The following CDH13 variants were observed in gnomAD, a reference collection of about 807,000 sequenced individuals.
CDH13 encodes cadherin-13.
A neutral mutation model predicts 63.8 loss-of-function variants in CDH13; 24 were observed. That is an observed-to-expected ratio of 0.38 (90% CI 0.27 to 0.53). The LOEUF (loss-of-function observed/expected upper bound fraction) is 0.53, where lower values mean the gene tolerates loss of function less well. CDH13 is among the 20% of genes least tolerant of loss of function. CDH13 has a pLI of 0.85. For missense variants in CDH13, 1,049 were observed against 903.1 expected (o/e 1.16, Z -2.07); for synonymous variants, 503 against 355.3 (o/e 1.42, Z -4.67).
chr16:83,445,435 C>G lies in CDH13; in HGVS notation c.782-41042C>G, dbSNP rs147061057. On this transcript the variant is annotated intron_variant, in intron 6 of 13. Transcript: ENST00000567109. ...AAAATCAGATCCTGCTGTGTTCACA[C>G]TTGGCCTCAATTTCCTCAGGCTTCT... Among the ~76,000 whole-genome samples, 4 of 152,302 alleles carry G rather than the reference C, an allele frequency of 2.6e-5. No homozygotes were observed. The East Asian group carries it at 7.7e-4, about 29-fold the overall frequency.
At position 83,047,251 on chromosome 16, in the gene CDH13, T is replaced by TTA. The variant is rs1434648564; in HGVS notation, c.366+15035_366+15036dup. ...GAGGCCTGTGTATTTATTTATTTAT[T>TTA]TATTTTTTTGGTAAAGGCCTCTGCT... On this transcript the variant is annotated intron_variant, in intron 3 of 13. Transcript: ENST00000567109. This position sits in a 1 kb window ranked among gnomAD's most constrained non-coding sequence, Gnocchi z 4.9. Among the ~76,000 whole-genome samples, 1 of 152,144 alleles carries TTA rather than the reference T, an allele frequency of 6.6e-6. No individual in the cohort carries two copies. Among genetic ancestry groups the TTA allele is most frequent in the Non-Finnish European group, 1.5e-5 (1 of 68,026 alleles).
At chr16:82,697,851 A>G (rs2030526841) in intron 1 of CDH13, among the ~76,000 whole-genome samples, 1 of 151,840 alleles carries the variant, frequency 6.6e-6, no homozygotes, top group Non-Finnish European at 1.5e-5. Context: ...TTATATTTGC[A>G]CTGCTGATAA....
At chr16:82,888,736 T>C (rs2040977841) in intron 2 of CDH13, among the ~76,000 whole-genome samples, 1 of 152,234 alleles carries the variant, frequency 6.6e-6, no homozygotes, top group African/African-American at 2.4e-5. Flanking sequence ...CCCTGAAACT[T>C]GATCCATTTA....
At chr16:83,345,842 C>G (rs933483275) in intron 6 of CDH13, among the ~76,000 whole-genome samples, 2 of 152,116 alleles carry the variant, frequency 1.3e-5, no homozygotes, top group Non-Finnish European at 2.9e-5. Flanking sequence ...TATCATGATA[C>G]TCCTAGATTA....
chr16:83,441,733 G>T (rs948781561), intron 6 of CDH13, among the ~76,000 whole-genome samples: 3 of 152,080 alleles, frequency 2.0e-5, no homozygotes, highest in East Asian at 1.9e-4. Context: ...GGATAGAAAC[G>T]GTGTCTGGGA....
At chr16:82,846,591 C>T (rs547400154) in intron 1 of CDH13, among the ~76,000 whole-genome samples, 67 of 152,228 alleles carry the variant, frequency 4.4e-4, no homozygotes, top group Non-Finnish European at 8.5e-4. Flanking sequence ...AGATTTCGAC[C>T]CAGTTAGTCT....
intron 2 of CDH13, among the ~76,000 whole-genome samples, chr16:83,014,707 G>T (rs190865143): frequency 0.03 from 3,882 of 130,530 alleles, 90 homozygotes; most frequent in Non-Finnish European, 0.043. Context: ...CTCCAGCTTG[G>T]GCAACAGAGG....
intron 8 of CDH13, among the ~76,000 whole-genome samples, chr16:83,610,458 C>A (rs563907692): frequency 1.3e-5 from 2 of 152,304 alleles, no homozygotes; most frequent in South Asian, 2.1e-4. Flanking sequence ...AATCAAGACA[C>A]AGAATATGAT....
intron 1 of CDH13, among the ~76,000 whole-genome samples, chr16:82,840,540 C>T (rs900403210): frequency 6.6e-6 from 1 of 151,712 alleles, no homozygotes; most frequent in African/African-American, 2.4e-5. Context: ...AAAGAAACAG[C>T]CAGGTATGGT....
At chr16:83,314,318 G>T (rs2090061152) in intron 5 of CDH13, among the ~76,000 whole-genome samples, 2 of 151,758 alleles carry the variant, frequency 1.3e-5, no homozygotes, top group African/African-American at 4.8e-5. Context: ...TGTCTTAATG[G>T]GTAACAGCTG....
At chr16:83,245,327 A>G (rs1483146213) in intron 5 of CDH13, among the ~76,000 whole-genome samples, 1 of 152,214 alleles carries the variant, frequency 6.6e-6, no homozygotes, top group East Asian at 1.9e-4. Flanking sequence ...TCAATGTAGC[A>G]TTAAATGCTG....
At chr16:83,170,181 T>C (rs1352537857) in intron 4 of CDH13, among the ~76,000 whole-genome samples, 1 of 152,280 alleles carries the variant, frequency 6.6e-6, no homozygotes, top group Non-Finnish European at 1.5e-5. Flanking sequence ...TTATAATGTG[T>C]CTTAACACAT....
chr16:83,631,366 T>C (rs1329501043), intron 8 of CDH13, among the ~76,000 whole-genome samples: 1 of 152,016 alleles, frequency 6.6e-6, no homozygotes, highest in Non-Finnish European at 1.5e-5. Flanking sequence ...TGTTGTTGTT[T>C]GTTCTTTCGG....
intron 3 of CDH13, among the ~76,000 whole-genome samples, chr16:83,036,548 G>C (rs1215052087): frequency 6.6e-6 from 1 of 152,092 alleles, no homozygotes; most frequent in Admixed American, 6.6e-5. Context: ...TACAACAGAG[G>C]CAAGCAAGGC....
chr16:83,575,752 C>A (rs994889920), intron 7 of CDH13, among the ~76,000 whole-genome samples: 1 of 152,192 alleles, frequency 6.6e-6, no homozygotes, highest in African/African-American at 2.4e-5. Context: ...TTTCATTGCA[C>A]CCGAACCTCT....
intron 6 of CDH13, among the ~76,000 whole-genome samples, chr16:83,484,927 T>G (rs575648667): frequency 6.6e-6 from 1 of 152,334 alleles, no homozygotes; most frequent in South Asian, 2.1e-4. Flanking sequence ...ACAAGGTCAA[T>G]GGGAAACAGA....
At chr16:83,031,090 G>A (rs1216134924) in intron 2 of CDH13, among the ~76,000 whole-genome samples, 1 of 151,014 alleles carries the variant, frequency 6.6e-6, no homozygotes, top group Non-Finnish European at 1.5e-5. Context: ...CATATATGGT[G>A]CATGCGTATG....
At chr16:83,689,798 G>A (rs1022541011) in intron 10 of CDH13, among the ~76,000 whole-genome samples, 12 of 152,158 alleles carry the variant, frequency 7.9e-5, no homozygotes, top group African/African-American at 2.7e-4. Context: ...GGCTATGACC[G>A]GAAAACCTCT....
intron 10 of CDH13, among the ~76,000 whole-genome samples, chr16:83,711,821 G>C (rs1464288237): frequency 6.6e-6 from 1 of 152,200 alleles, no homozygotes; most frequent in Non-Finnish European, 1.5e-5. Flanking sequence ...CAGCTGGCCA[G>C]CATGTTTTTA....
Sources: gnomAD v4.1 joint callset for allele counts (sites outside exome capture counted in the v4.1 genomes callset) on GRCh38, gnomAD v4.1.1 for gene constraint, Gnocchi (gnomAD v3.1) non-coding constraint, MANE v1.5 for transcripts, NCBI Gene and HGNC (gene_info 2026-07-23, HGNC 2026-07-21) for gene names.